SYT1: variants seen among roughly 807,000 people sequenced by gnomAD.
The protein encoded by SYT1 is synaptotagmin 1, also known as synaptotagmin-1.
In SYT1, 8 loss-of-function variants were observed where a neutral mutation model predicts 44.8. The observed-to-expected ratio is 0.18, with a 90% CI of 0.10 to 0.32. The LOEUF is 0.32. Among genes scored for constraint, SYT1 ranks in the 10% least tolerant of loss-of-function variants. The probability of loss-of-function intolerance (pLI) is 1.00; values close to 1 mark genes in which losing one functional copy is unlikely to be tolerated. For synonymous variants in SYT1, 154 were observed against 188.8 expected (o/e 0.82, Z 1.51); for missense variants, 286 against 509.3 (o/e 0.56, Z 4.22).
intron 1 of SYT1, among the ~76,000 whole-genome samples, chr12:78,946,798 T>A (rs1878685188): frequency 6.6e-6 from 1 of 152,166 alleles, no homozygotes; most frequent in African/African-American, 2.4e-5. Context: ...GCCTATAACA[T>A]TATACTAAAT....
chr12:79,386,361 T>G (rs1884435069), intron 9 of SYT1, among the ~76,000 whole-genome samples: 1 of 152,038 alleles, frequency 6.6e-6, no homozygotes, highest in African/African-American at 2.4e-5. Flanking sequence ...TTCTTTTTCT[T>G]TTTTTTATAC....
intron 8 of SYT1, among the ~76,000 whole-genome samples, chr12:79,339,741 G>C (rs1049629258): frequency 6.6e-6 from 1 of 152,118 alleles, no homozygotes; most frequent in African/African-American, 2.4e-5. Flanking sequence ...TGAAGTCCTT[G>C]CCCATGCCTA....
chr12:79,345,083 C>A (rs1050358298), intron 8 of SYT1, among the ~76,000 whole-genome samples: 5 of 152,154 alleles, frequency 3.3e-5, no homozygotes, highest in African/African-American at 1.2e-4. Flanking sequence ...TGACTTCCTG[C>A]CGAACCTTCC....
chr12:79,278,123 A>G (rs1878837966), intron 4 of SYT1, among the ~76,000 whole-genome samples: 1 of 152,158 alleles, frequency 6.6e-6, no homozygotes, highest in Non-Finnish European at 1.5e-5. Context: ...AAAGTCAACA[A>G]GGGAGCACTA....
rs1882189254 is a variant in SYT1, at chr12:79,338,432, A to G, written c.811-15070A>G. The stretch of plus-strand genomic sequence containing the variant: ...CCCAAGTCACTGGGACTACAGGCAT[A>G]CACCACCACTAATTTTCTTTAATTT... On this transcript the variant is annotated intron_variant, in intron 8 of 10. Transcript: ENST00000261205. Among the ~76,000 whole-genome samples the G allele has an allele frequency of 3.3e-5, 5 of 151,406 alleles. No homozygotes were observed. The South Asian group carries it at 1.0e-3, about 32-fold the overall frequency.
intron 3 of SYT1, among the ~76,000 whole-genome samples, chr12:79,148,459 T>C (rs61927291): frequency 0.029 from 4,385 of 152,254 alleles, 87 homozygotes; most frequent in Non-Finnish European, 0.046. Context: ...AGAAGGTCTT[T>C]CCTGAATCAT....
chr12:79,109,993 T>G (rs117995588), intron 3 of SYT1, among the ~76,000 whole-genome samples: 4 of 152,326 alleles, frequency 2.6e-5, no homozygotes, highest in African/African-American at 4.8e-5. Context: ...TGATTCAAAA[T>G]GTAGTGAACA....
chr12:78,915,021 A>G (rs1055696585), intron 1 of SYT1, among the ~76,000 whole-genome samples: 9 of 152,044 alleles, frequency 5.9e-5, no homozygotes, highest in Admixed American at 6.6e-5. Flanking sequence ...GCCTTGAAAG[A>G]TAACTAGTAA....
chr12:79,402,550 A>C (rs189255627), intron 9 of SYT1, among the ~76,000 whole-genome samples: 5 of 152,190 alleles, frequency 3.3e-5, no homozygotes, highest in Admixed American at 3.3e-4. Flanking sequence ...TCTGTGCTGC[A>C]AACCTAAATA....
chr12:79,282,228 T>C (rs1879089333), intron 4 of SYT1, among the ~76,000 whole-genome samples: 3 of 152,156 alleles, frequency 2.0e-5, no homozygotes, highest in Admixed American at 2.0e-4. Flanking sequence ...ATTCACAGCT[T>C]CCAGAAAATA....
At chr12:78,942,864 G>A (rs573583105) in intron 1 of SYT1, among the ~76,000 whole-genome samples, 291 of 152,290 alleles carry the variant, frequency 1.9e-3, no homozygotes, top group Middle Eastern at 3.4e-3. Flanking sequence ...GGTTGACCCT[G>A]CAGCCATGAG....
At chr12:79,152,220 G>C (rs1870314814) in intron 3 of SYT1, among the ~76,000 whole-genome samples, 2 of 152,256 alleles carry the variant, frequency 1.3e-5, no homozygotes, top group Admixed American at 6.5e-5. Flanking sequence ...GTGGAAACCA[G>C]ACTTCAATGG....
At chr12:78,938,545 G>A (rs1365488168) in intron 1 of SYT1, among the ~76,000 whole-genome samples, 2 of 151,996 alleles carry the variant, frequency 1.3e-5, no homozygotes, top group Admixed American at 1.3e-4. Flanking sequence ...ATTTGCACAG[G>A]TGCAAGTAAA....
intron 4 of SYT1, among the ~76,000 whole-genome samples, chr12:79,222,731 C>T (rs1165629933): frequency 6.6e-6 from 1 of 152,110 alleles, no homozygotes; most frequent in Admixed American, 6.5e-5. Flanking sequence ...TTTTTTATCT[C>T]CTATGGCTTG....
At chr12:79,345,551 T>G (rs1882571604) in intron 8 of SYT1, among the ~76,000 whole-genome samples, 1 of 152,112 alleles carries the variant, frequency 6.6e-6, no homozygotes, top group Non-Finnish European at 1.5e-5. Context: ...AAAGATACAC[T>G]CTCTTTCACC....
chr12:79,361,126 A>G (rs1883299818), intron 9 of SYT1, among the ~76,000 whole-genome samples: 1 of 152,224 alleles, frequency 6.6e-6, no homozygotes, highest in South Asian at 2.1e-4. Flanking sequence ...GCCAGGCACC[A>G]TGCCAGTCCT....
intron 3 of SYT1, among the ~76,000 whole-genome samples, chr12:79,089,590 A>C (rs950689442): frequency 2.0e-4 from 30 of 151,812 alleles, no homozygotes; most frequent in Non-Finnish European, 3.4e-4. Flanking sequence ...AATTCAAACT[A>C]TTCCCTTATG....
chr12:79,141,458 A>G (rs759287077), intron 3 of SYT1, among the ~76,000 whole-genome samples: 2 of 152,104 alleles, frequency 1.3e-5, no homozygotes, highest in Admixed American at 6.5e-5. Context: ...AAAATAAGCT[A>G]TTCATTTTGT....
chr12:79,374,635 G>T (rs564902314), intron 9 of SYT1, among the ~76,000 whole-genome samples: 5 of 152,360 alleles, frequency 3.3e-5, no homozygotes, highest in African/African-American at 1.2e-4. Flanking sequence ...ATGGCTGGAT[G>T]TTGCACCTAT....
Sources: allele counts gnomAD v4.1 joint callset (sites outside exome capture counted in the v4.1 genomes callset), GRCh38; gene constraint gnomAD v4.1.1; transcripts MANE v1.5; gene names NCBI Gene and HGNC (gene_info 2026-07-23, HGNC 2026-07-21).